The following PLEKHA8 variants were observed in gnomAD, a reference collection of about 807,000 sequenced individuals.
PLEKHA8 encodes the protein pleckstrin homology domain-containing family A member 8.
A neutral mutation model predicts 68.2 loss-of-function variants in PLEKHA8; 36 were observed. That is an observed-to-expected ratio of 0.53 (90% CI 0.40 to 0.70). PLEKHA8 has a LOEUF of 0.70. PLEKHA8 is among the 30% of genes least tolerant of loss of function. The pLI is 0.00. For synonymous variants in PLEKHA8, 211 were observed against 216.1 expected (o/e 0.98, Z 0.20); for missense variants, 505 against 615.4 (o/e 0.82, Z 1.90).
intron 7 of PLEKHA8, among the ~76,000 whole-genome samples, chr7:30,053,660 T>C (rs780106073): frequency 9.9e-5 from 15 of 152,228 alleles, no homozygotes; most frequent in Non-Finnish European, 1.5e-4. Flanking sequence ...TTTGCTCCTA[T>C]AATTTTGCTT....
At chr7:30,030,160 T>G (rs1790551916) in intron 1 of PLEKHA8, among the ~76,000 whole-genome samples, 1 of 152,196 alleles carries the variant, frequency 6.6e-6, no homozygotes, top group African/African-American at 2.4e-5. Flanking sequence ...CTCTCTAAGC[T>G]CTCAGATGCA....
At chr7:30,111,973 A>T (rs894331673) in intron 13 of PLEKHA8, among the ~76,000 whole-genome samples, 1 of 152,244 alleles carries the variant, frequency 6.6e-6, no homozygotes, top group Non-Finnish European at 1.5e-5. Flanking sequence ...GAAAGACTAA[A>T]AACAATGGAA....
At chr7:30,056,869 A>C (rs1402255140) in intron 9 of PLEKHA8, among the ~76,000 whole-genome samples, 1 of 146,584 alleles carries the variant, frequency 6.8e-6, no homozygotes, top group East Asian at 1.9e-4. Flanking sequence ...CTGAAAATTT[A>C]TATGTAACAT....
intron 7 of PLEKHA8, among the ~76,000 whole-genome samples, chr7:30,053,113 T>C (rs376180495): frequency 1.3e-5 from 2 of 152,364 alleles, no homozygotes; most frequent in African/African-American, 4.8e-5. Flanking sequence ...GTTCATGGGC[T>C]GCAGTGAGCA....
intron 13 of PLEKHA8, among the ~76,000 whole-genome samples, chr7:30,105,945 G>A (rs925564291): frequency 2.6e-5 from 4 of 152,234 alleles, no homozygotes; most frequent in South Asian, 2.1e-4. Flanking sequence ...TTGGTGATTA[G>A]TGCTTGTGTT....
chr7:30,114,599 G>A (rs183396994), intron 13 of PLEKHA8, among the ~76,000 whole-genome samples: 2 of 152,176 alleles, frequency 1.3e-5, no homozygotes, highest in East Asian at 1.9e-4. Context: ...AAGTTTTAGG[G>A]TATCTTTTAG....
chr7:30,033,751 A>C (rs532394708), intron 1 of PLEKHA8, among the ~76,000 whole-genome samples: 1 of 152,150 alleles, frequency 6.6e-6, no homozygotes, highest in Non-Finnish European at 1.5e-5. Context: ...AAGTGACTGC[A>C]CCATTTTACA....
chr7:30,125,896 A>G (rs1319790721), intron 13 of PLEKHA8, among the ~76,000 whole-genome samples: 1 of 152,146 alleles, frequency 6.6e-6, no homozygotes, highest in Non-Finnish European at 1.5e-5. Context: ...TATTATCCTT[A>G]GAGACAACTT....
chr7:30,100,477 A>G (rs955281166), intron 13 of PLEKHA8, among the ~76,000 whole-genome samples: 1 of 149,434 alleles, frequency 6.7e-6, no homozygotes. Flanking sequence ...ACTTGAACCT[A>G]GGAGGTGGAG....
rs370200615 is a variant in PLEKHA8 at position 30,109,271 on chromosome 7, T to G, written c.1363-19995T>G. 8.5e-5 allele frequency among the ~76,000 whole-genome samples: 13 copies of G among 152,270 alleles called. No individual in the cohort carries two copies. The East Asian group carries it at 1.2e-3, about 14-fold the overall frequency. ...CACCCAGTTTCGATAATGTTGACATTTCATATGACTATGTGCATTTGTTAA... is the reference window on the plus strand; with the variant it reads ...CACCCAGTTTCGATAATGTTGACATGTCATATGACTATGTGCATTTGTTAA... On this transcript the variant is annotated intron_variant, in intron 13 of 13. Coordinates refer to the PLEKHA8 transcript ENST00000396257.
Position 30,080,764 on chromosome 7 carries a change from T to C in PLEKHA8, c.*1977T>C. ...CTCTCATGAGCAGTGAGTATAGATC[T>C]CCTTCTCTGATTAGTATGAATATGA... On this transcript the variant is annotated 3_prime_UTR_variant, in exon 14 of 14. Transcript: ENST00000449726. The C allele has an allele frequency of 3.0e-6, 3 of 985,360 alleles. No homozygotes were observed. Among genetic ancestry groups the C allele is most frequent in the Non-Finnish European group, 3.6e-6 (3 of 829,902 alleles). The allele number at this position is 985,360 out of a possible 1,614,324, so 61.0% of individuals were successfully genotyped here. A position where few individuals can be genotyped will look rare whatever the true frequency, so the allele number is the denominator to read the frequency against.
At position 30,028,494 on chromosome 7, in the gene PLEKHA8, C is replaced by G. The variant is rs1052079761; in HGVS notation, c.-269C>G. 1.1e-5 allele frequency: 4 copies of G among 352,588 alleles called. No individual in the cohort carries two copies. In the Admixed American group the frequency reaches 1.4e-4, roughly 13 times the overall value. The allele number at this position is 352,588 out of a possible 1,614,324, so 21.8% of individuals were successfully genotyped here. On this transcript the variant is annotated 5_prime_UTR_variant, in exon 1 of 14. Transcript: ENST00000449726. ...GGCTGCCCCTCCGACCCACGTAGGG[C>G]CCGGACCCGGGCCTCCTTGTGAACA...
intron 1 of PLEKHA8, among the ~76,000 whole-genome samples, chr7:30,030,576 C>T (rs1790584445): frequency 6.6e-6 from 1 of 152,216 alleles, no homozygotes; most frequent in South Asian, 2.1e-4. Flanking sequence ...AAGAAGAGGG[C>T]ACTGGAGCCA....
chr7:30,032,024 CT>C (rs1199425859), intron 1 of PLEKHA8, among the ~76,000 whole-genome samples: 1 of 152,002 alleles, frequency 6.6e-6, no homozygotes, highest in African/African-American at 2.4e-5. Flanking sequence ...TTCATCCTGC[CT>C]TTTGGACATT....
chr7:30,081,053 T>G lies in PLEKHA8; in HGVS notation c.*2266T>G. On this transcript the variant is annotated 3_prime_UTR_variant, in exon 14 of 14. Coordinates refer to ENST00000449726, the MANE Select transcript of PLEKHA8 (RefSeq NM_001197026.2). ...TCAGGTTTGCCACCGCAACTCTGAATACACACAAAAGGAAAGCTGCTCAGC... is the reference window on the plus strand; with the variant it reads ...TCAGGTTTGCCACCGCAACTCTGAAGACACACAAAAGGAAAGCTGCTCAGC... 1.0e-6 allele frequency: 1 copy of G among 985,322 alleles called. No homozygotes were observed. The allele number at this position is 985,322 out of a possible 1,614,324, so 61.0% of individuals were successfully genotyped here.
intron 1 of PLEKHA8, among the ~76,000 whole-genome samples, chr7:30,036,170 C>T (rs527295031): frequency 1.3e-5 from 2 of 152,062 alleles, no homozygotes; most frequent in East Asian, 2.0e-4. Context: ...GCACCAGAGT[C>T]GTTTGAACCC....
chr7:30,047,777 C>T, intron 3 of PLEKHA8, 55 bp from the exon 4 acceptor site: 2 of 1,532,190 alleles, frequency 1.3e-6, no homozygotes, highest in East Asian at 5.0e-5. Flanking sequence ...AGTATCCTAA[C>T]TAGTAAATCA....
chr7:30,128,918 C>T (rs1008810929), intron 13 of PLEKHA8, among the ~76,000 whole-genome samples: 4 of 152,056 alleles, frequency 2.6e-5, no homozygotes, highest in African/African-American at 9.7e-5. Context: ...AACCAGCTCT[C>T]GGGAGTGAAC....
Position 30,078,574 on chromosome 7 carries a change from G to C in PLEKHA8, c.1363-16G>C. The C allele has an allele frequency of 9.9e-6, 16 of 1,613,024 alleles. No homozygotes were observed. The highest frequency in any genetic ancestry group is 1.3e-5 in the Non-Finnish European group (15 of 1,179,368). On this transcript the variant is annotated splice_polypyrimidine_tract_variant and intron_variant, in intron 13 of 13. Transcript: ENST00000449726. Reference sequence around the variant, plus strand: ...GACAGACTTGATGCAGATTCTCATGGGTTATTCTTTTGCAGTTAGCTTTAA... The same window carrying C: ...GACAGACTTGATGCAGATTCTCATGCGTTATTCTTTTGCAGTTAGCTTTAA...
Sources: gnomAD v4.1 joint callset for allele counts (sites outside exome capture counted in the v4.1 genomes callset) on GRCh38, gnomAD v4.1.1 for gene constraint, MANE v1.5 for transcripts, NCBI Gene and HGNC (gene_info 2026-07-23, HGNC 2026-07-21) for gene names.